Variants in LRRIQ1 observed in about 807,000 individuals in gnomAD.
LRRIQ1 encodes leucine rich repeats and IQ motif containing 1.
Under a neutral mutation model 211.9 loss-of-function variants are expected in LRRIQ1, and 210 were observed. The ratio of observed to expected loss-of-function variants is 0.99; its 90% CI spans 0.89 to 1.11. The LOEUF (loss-of-function observed/expected upper bound fraction) is 1.11, where lower values mean the gene tolerates loss of function less well. Ranked by LOEUF, LRRIQ1 falls within the 50% of genes most tolerant of loss-of-function variation. The probability of loss-of-function intolerance (pLI) is 0.00; values close to 1 mark genes in which losing one functional copy is unlikely to be tolerated. For missense variants in LRRIQ1, 2,136 were observed against 1,939.5 expected (o/e 1.10, Z -1.90); for synonymous variants, 699 against 650.1 (o/e 1.08, Z -1.14).
intron 24 of LRRIQ1, among the ~76,000 whole-genome samples, chr12:85,193,068 TTA>T (rs1892681713): frequency 8.6e-6 from 1 of 115,756 alleles, no homozygotes; most frequent in Non-Finnish European, 1.7e-5. Context: ...AAATATTATA[TTA>T]TATTTTATTA....
intron 24 of LRRIQ1, among the ~76,000 whole-genome samples, chr12:85,165,467 C>CTTTTTTTT (rs779566934): frequency 8.4e-6 from 1 of 118,636 alleles, no homozygotes; most frequent in Non-Finnish European, 1.7e-5. Flanking sequence ...TGATTTCTTA[C>CTTTTTTTT]TTTTTTTTTT....
At chr12:85,198,694 A>G (rs1893135960) in intron 24 of LRRIQ1, among the ~76,000 whole-genome samples, 1 of 151,788 alleles carries the variant, frequency 6.6e-6, no homozygotes, top group Admixed American at 6.6e-5. Flanking sequence ...CAGCTTCCCA[A>G]GTAGCTGGGA....
exon 2 of LRRIQ1, chr12:85,262,992 C>A: frequency 1.0e-6 from 1 of 987,616 alleles, no homozygotes; most frequent in Non-Finnish European, 1.2e-6. Flanking sequence ...TATATCATTC[C>A]GAGACAATCC....
intron 24 of LRRIQ1, among the ~76,000 whole-genome samples, chr12:85,209,818 C>T (rs1264274712): frequency 6.6e-6 from 1 of 151,984 alleles, no homozygotes; most frequent in Non-Finnish European, 1.5e-5. Context: ...AAAAAAAATA[C>T]AATTACCCTC....
intron 15 of LRRIQ1, among the ~76,000 whole-genome samples, chr12:85,113,965 G>A (rs1390571109): frequency 6.9e-6 from 1 of 145,330 alleles, no homozygotes; most frequent in Non-Finnish European, 1.5e-5. Context: ...ACCTAAATGT[G>A]TTTCTAGACC....
At chr12:85,108,232 T>A (rs1041858791) in intron 15 of LRRIQ1, among the ~76,000 whole-genome samples, 6 of 152,194 alleles carry the variant, frequency 3.9e-5, no homozygotes, top group Non-Finnish European at 7.3e-5. Context: ...TGCTTTTAAG[T>A]TCTGTTAGAA....
At chr12:85,057,554 C>T (rs1565795007) in intron 8 of LRRIQ1, among the ~76,000 whole-genome samples, 1 of 152,024 alleles carries the variant, frequency 6.6e-6, no homozygotes, top group Admixed American at 6.6e-5. Flanking sequence ...GCCACCACAC[C>T]ACCTAGTGGC....
rs191192336 is a variant in LRRIQ1 at position 85,250,769 on chromosome 12, G to A, written c.121+5860G>A. ...AGGCAATAAATAGATAATGGAATATGGAAAATATATATATATTATATTATA... is the reference window on the plus strand; with the variant it reads ...AGGCAATAAATAGATAATGGAATATAGAAAATATATATATATTATATTATA... On this transcript the variant is annotated intron_variant, in intron 1 of 1. Coordinates refer to the LRRIQ1 transcript ENST00000602731. 2.3e-3 allele frequency among the ~76,000 whole-genome samples: 225 copies of A among 98,010 alleles called. 1 individual carries two copies. Among genetic ancestry groups the A allele is most frequent in the African/African-American group, 0.011 (217 of 19,538 alleles). 64.3% of individuals were successfully genotyped at this position (98,010 alleles called of 152,430 possible). A position where few individuals can be genotyped will look rare whatever the true frequency, so the allele number is the denominator to read the frequency against.
At chr12:85,252,690 A>G (rs988172485) in intron 1 of LRRIQ1, among the ~76,000 whole-genome samples, 41 of 152,054 alleles carry the variant, frequency 2.7e-4, no homozygotes, top group African/African-American at 9.4e-4. Context: ...TAACAACAGT[A>G]TATGTTTTGA....
At chr12:85,213,821 G>A (rs1893952036) in intron 24 of LRRIQ1, among the ~76,000 whole-genome samples, 1 of 151,830 alleles carries the variant, frequency 6.6e-6, no homozygotes, top group African/African-American at 2.4e-5. Flanking sequence ...AATAAAAAAA[G>A]TAATAAAATG....
At chr12:85,044,252 C>T (rs1592687590) in intron 3 of LRRIQ1, among the ~76,000 whole-genome samples, 1 of 151,920 alleles carries the variant, frequency 6.6e-6, no homozygotes, top group Non-Finnish European at 1.5e-5. Flanking sequence ...TTATAAAATT[C>T]AACAACTCAT....
chr12:85,223,569 A>T (rs949213246), intron 24 of LRRIQ1, among the ~76,000 whole-genome samples: 1 of 152,198 alleles, frequency 6.6e-6, no homozygotes, highest in African/African-American at 2.4e-5. Context: ...CTTATATCTC[A>T]TGCAGTTTAT....
At position 85,044,749 on chromosome 12, in the gene LRRIQ1, T is replaced by C. The variant is rs939856386; in HGVS notation, c.276T>C (p.His92=). Residue 92 remains histidine, a synonymous_variant, in exon 4 of 27, where the codon CAT becomes CAC. Transcript: ENST00000393217. The part of the protein sequence containing the change: ...SCSYGAVSNN[H]MHLRTGLSTE... ...GTTATGGAGCAGTTTCTAATAATCATATGCATTTAAGAACAGGACTATCAA... is the reference window on the plus strand; with the variant it reads ...GTTATGGAGCAGTTTCTAATAATCACATGCATTTAAGAACAGGACTATCAA... 5.7e-6 allele frequency: 9 copies of C among 1,566,210 alleles called. 1 individual carries two copies. Among genetic ancestry groups the C allele is most frequent in the Middle Eastern group, 1.7e-4 (1 of 5,972 alleles).
chr12:85,161,871 T>C (rs923364371), intron 24 of LRRIQ1, among the ~76,000 whole-genome samples: 2 of 151,988 alleles, frequency 1.3e-5, no homozygotes, highest in Non-Finnish European at 2.9e-5. Flanking sequence ...AAACCCTGTC[T>C]CTACTAAAAA....
chr12:85,144,825 T>C (rs773856624), intron 19 of LRRIQ1, among the ~76,000 whole-genome samples: 3 of 151,680 alleles, frequency 2.0e-5, no homozygotes, highest in Non-Finnish European at 4.4e-5. Flanking sequence ...TTGTTTGCAA[T>C]GCGGAGATTA....
At chr12:85,154,976 A>T (rs924348872) in intron 23 of LRRIQ1, among the ~76,000 whole-genome samples, 3 of 151,172 alleles carry the variant, frequency 2.0e-5, no homozygotes, top group Admixed American at 6.6e-5. Flanking sequence ...TCTATTAATT[A>T]TATTTTAATT....
rs768157637 is a variant in LRRIQ1, at chr12:85,044,736, T to A, written c.263T>A (p.Val88Asp). 1 of 1,560,702 alleles carries A rather than the reference T, an allele frequency of 6.4e-7. No individual in the cohort carries two copies. Among genetic ancestry groups the A allele is most frequent in the Non-Finnish European group, 8.8e-7 (1 of 1,136,292 alleles). ...TCTCTAGGCTGTAGTTATGGAGCAG[T>A]TTCTAATAATCATATGCATTTAAGA... is the stretch of plus-strand genomic sequence containing the variant. ...TDILSCSYGAVSNNHMHLRTG... is the reference protein window; with the variant it reads ...TDILSCSYGADSNNHMHLRTG... The change falls in exon 4 of 27, where the codon GTT (valine) becomes GAT (aspartate). Residue 88 changes from valine to aspartate, a missense_variant. Physicochemically the swap from Val to Asp is radical, Grantham distance 152. Transcript: ENST00000393217.
intron 24 of LRRIQ1, among the ~76,000 whole-genome samples, chr12:85,168,417 T>C (rs1375073111): frequency 1.3e-5 from 2 of 152,164 alleles, no homozygotes; most frequent in African/African-American, 4.8e-5. Context: ...TGTTAGCCTA[T>C]TGACTTAGAG....
At chr12:85,249,495 G>A (rs561304222), downstream of LRRIQ1, among the ~76,000 whole-genome samples, 5 of 151,856 alleles carry the variant, frequency 3.3e-5, no homozygotes, top group South Asian at 1.0e-3. Flanking sequence ...AACTATCATT[G>A]CATGTATTTA....
Sources: gnomAD v4.1 joint callset for allele counts (sites outside exome capture counted in the v4.1 genomes callset) on GRCh38, gnomAD v4.1.1 for gene constraint, MANE v1.5 for transcripts, NCBI Gene and HGNC (gene_info 2026-07-23, HGNC 2026-07-21) for gene names.